FSHR: variants seen among roughly 807,000 people sequenced by gnomAD.
FSHR encodes follicle stimulating hormone receptor.
Under a neutral mutation model 52.1 loss-of-function variants are expected in FSHR, and 46 were observed. The observed-to-expected ratio is 0.88, with a 90% CI of 0.70 to 1.13. FSHR has a LOEUF of 1.13. Among genes scored for constraint, FSHR ranks in the 50% most tolerant of loss-of-function variants. The probability of loss-of-function intolerance (pLI) is 0.00; values close to 1 mark genes in which losing one functional copy is unlikely to be tolerated. For missense variants in FSHR, 964 were observed against 834.6 expected (o/e 1.16, Z -1.91); for synonymous variants, 399 against 309.6 (o/e 1.29, Z -3.03).
At chr2:48,992,728 T>G (rs1372914949) in intron 4 of FSHR, among the ~76,000 whole-genome samples, 1 of 152,156 alleles carries the variant, frequency 6.6e-6, no homozygotes, top group Non-Finnish European at 1.5e-5. Flanking sequence ...ATGCAACTTT[T>G]GGGTCTGGCT....
intron 9 of FSHR, among the ~76,000 whole-genome samples, chr2:48,968,401 A>G (rs1674573031): frequency 6.6e-6 from 1 of 152,224 alleles, no homozygotes; most frequent in South Asian, 2.1e-4. Context: ...GGGAACAGAT[A>G]TTATGCACCA....
intron 1 of FSHR, among the ~76,000 whole-genome samples, chr2:49,086,298 C>T (rs1670390181): frequency 6.6e-6 from 1 of 152,122 alleles, no homozygotes; most frequent in Non-Finnish European, 1.5e-5. Context: ...TCTAAAATTG[C>T]AGATTTATGG....
chr2:49,036,540 G>T (rs1280357305), intron 2 of FSHR, among the ~76,000 whole-genome samples: 1 of 151,580 alleles, frequency 6.6e-6, no homozygotes, highest in Middle Eastern at 3.2e-3. Context: ...AATACATAGG[G>T]CACAGTCAGG....
rs138722589 is a variant in FSHR at position 49,100,610 on chromosome 2, G to C, written c.153-32320C>G. 2.7e-3 allele frequency among the ~76,000 whole-genome samples: 415 copies of C among 152,314 alleles called. 3 individuals carry two copies. Among genetic ancestry groups the C allele is most frequent in the African/African-American group, 9.1e-3 (380 of 41,568 alleles). The stretch of plus-strand genomic sequence containing the variant: ...CATGCAGCACCCATCCTGTGGTCGT[G>C]AAGATGGAAGACAAATACTAAGTAA... On this transcript the variant is annotated intron_variant, in intron 1 of 9. Transcript: ENST00000406846.
Position 48,975,185 on chromosome 2 carries a change from G to A in FSHR, c.669-6302C>T, listed in dbSNP as rs1674931933. On this transcript the variant is annotated intron_variant, in intron 8 of 9. Transcript: ENST00000406846. Reference sequence around the variant, plus strand: ...TATGTGAATCCATGGATTGAGTAAGGAAGATATGCCCTCACCCAGAAGCTG... The same window carrying A: ...TATGTGAATCCATGGATTGAGTAAGAAAGATATGCCCTCACCCAGAAGCTG... Among the ~76,000 whole-genome samples, 3 of 152,076 alleles carry A rather than the reference G, an allele frequency of 2.0e-5. No individual in the cohort carries two copies. In the South Asian group the frequency reaches 6.2e-4, roughly 32 times the overall value.
intron 6 of FSHR, among the ~76,000 whole-genome samples, chr2:48,987,576 G>T (rs559861008): frequency 6.6e-6 from 1 of 151,820 alleles, no homozygotes; most frequent in South Asian, 2.1e-4. Flanking sequence ...CCCTCTGCAC[G>T]CCCTTTGCCA....
intron 1 of FSHR, among the ~76,000 whole-genome samples, chr2:49,073,523 C>T (rs1328854699): frequency 6.6e-6 from 1 of 151,920 alleles, no homozygotes; most frequent in Non-Finnish European, 1.5e-5. Context: ...AGGGAAACTA[C>T]AGAACACTAA....
chr2:49,104,080 G>T (rs1489801361), intron 1 of FSHR, among the ~76,000 whole-genome samples: 1 of 152,056 alleles, frequency 6.6e-6, no homozygotes, highest in Non-Finnish European at 1.5e-5. Context: ...AATCATGCCA[G>T]TAAGAGTATA....
chr2:49,027,613 G>T (rs190242504), intron 2 of FSHR, among the ~76,000 whole-genome samples: 5 of 152,292 alleles, frequency 3.3e-5, no homozygotes, highest in African/African-American at 1.2e-4. Context: ...ACTTTGGGAG[G>T]CCGAGGTGGG....
At chr2:48,998,095 T>C (rs1370268211) in intron 4 of FSHR, among the ~76,000 whole-genome samples, 1 of 152,158 alleles carries the variant, frequency 6.6e-6, no homozygotes, top group Non-Finnish European at 1.5e-5. Flanking sequence ...GGAAAACTAC[T>C]ACCTAGAGTT....
At chr2:49,074,130 A>T (rs1024269269) in intron 1 of FSHR, among the ~76,000 whole-genome samples, 3 of 152,102 alleles carry the variant, frequency 2.0e-5, no homozygotes, top group Non-Finnish European at 4.4e-5. Context: ...GTCTGGGAAA[A>T]GGTTTTATGA....
chr2:48,970,813 C>T (rs1674709351), intron 8 of FSHR, among the ~76,000 whole-genome samples: 2 of 152,172 alleles, frequency 1.3e-5, no homozygotes. Context: ...AATGACTCTT[C>T]CAGTTTCCCC....
At chr2:49,140,743 T>A (rs1168153333) in intron 1 of FSHR, among the ~76,000 whole-genome samples, 1 of 151,860 alleles carries the variant, frequency 6.6e-6, no homozygotes, top group Non-Finnish European at 1.5e-5. Context: ...GTTCCCCACA[T>A]CTAGAAATAA....
intron 1 of FSHR, among the ~76,000 whole-genome samples, chr2:49,088,319 T>A (rs6716923): frequency 6.6e-6 from 1 of 151,934 alleles, no homozygotes; most frequent in South Asian, 2.1e-4. Context: ...TAAGAAAATT[T>A]AAAAAAAGAC....
At chr2:48,997,427 G>A in intron 4 of FSHR, 1 of 980,680 alleles carries the variant, frequency 1.0e-6, no homozygotes, top group Non-Finnish European at 1.2e-6. Context: ...CGGCTTGGCT[G>A]CAGATTCTGT....
At chr2:49,042,030 G>C (rs1029042121) in intron 2 of FSHR, among the ~76,000 whole-genome samples, 1 of 152,074 alleles carries the variant, frequency 6.6e-6, no homozygotes, top group Non-Finnish European at 1.5e-5. Flanking sequence ...TGTAGTCCCA[G>C]GTACTTGGGA....
intron 9 of FSHR, among the ~76,000 whole-genome samples, chr2:48,966,288 G>A (rs979892577): frequency 6.6e-6 from 1 of 152,158 alleles, no homozygotes; most frequent in Non-Finnish European, 1.5e-5. Context: ...ATATGCAACA[G>A]CATGTCAATT....
At chr2:49,098,617 T>C (rs1670912363) in intron 1 of FSHR, among the ~76,000 whole-genome samples, 1 of 151,438 alleles carries the variant, frequency 6.6e-6, no homozygotes, top group African/African-American at 2.4e-5. Context: ...TCTTGCTACT[T>C]GAATGGAGAG....
intron 1 of FSHR, among the ~76,000 whole-genome samples, chr2:49,071,944 C>T: frequency 6.6e-6 from 1 of 152,134 alleles, no homozygotes; most frequent in African/African-American, 2.4e-5. Context: ...ACAGTCACCT[C>T]CCACTAGGTC....
Sources: gnomAD v4.1 joint callset for allele counts (sites outside exome capture counted in the v4.1 genomes callset) on GRCh38, gnomAD v4.1.1 for gene constraint, MANE v1.5 for transcripts, NCBI Gene and HGNC (gene_info 2026-07-23, HGNC 2026-07-21) for gene names.